KYAT1: variants seen among roughly 807,000 people sequenced by gnomAD.
KYAT1 encodes kynurenine aminotransferase 1.
Under a neutral mutation model 52.4 loss-of-function variants are expected in KYAT1, and 47 were observed. The observed-to-expected ratio is 0.90, with a 90% CI of 0.71 to 1.14. KYAT1 has a LOEUF of 1.14. Among genes scored for constraint, KYAT1 ranks in the 50% most tolerant of loss-of-function variants. The pLI, the probability that KYAT1 is intolerant of heterozygous loss-of-function variation, is 0.00. For missense variants in KYAT1, 480 were observed against 557.9 expected (o/e 0.86, Z 1.41); for synonymous variants, 212 against 209.6 (o/e 1.01, Z -0.10).
At chr9:128,850,240 G>A (rs1482703905) in intron 1 of KYAT1, among the ~76,000 whole-genome samples, 1 of 152,050 alleles carries the variant, frequency 6.6e-6, no homozygotes, top group Admixed American at 6.5e-5. Context: ...CTTCAGTGTA[G>A]GGAAAAGAAA....
upstream of KYAT1, chr9:128,882,481 C>T (rs1839103623): frequency 2.6e-6 from 1 of 383,004 alleles, no homozygotes; most frequent in Non-Finnish European, 4.6e-6. Context: ...AGCCCCCTCC[C>T]AGGCACCCCT....
At chr9:128,860,888 C>T (rs1827793718) in intron 1 of KYAT1, among the ~76,000 whole-genome samples, 1 of 152,016 alleles carries the variant, frequency 6.6e-6, no homozygotes, top group Non-Finnish European at 1.5e-5. Flanking sequence ...AGTTTACCAT[C>T]TTATATGGGC....
At chr9:128,845,175 A>G (rs1195719652) in intron 2 of KYAT1, among the ~76,000 whole-genome samples, 178 bp downstream of exon 2, 2 of 152,092 alleles carry the variant, frequency 1.3e-5, no homozygotes, top group Admixed American at 1.3e-4. Context: ...ATGCAGAAGA[A>G]AGCTGAGATT....
Position 128,833,544 on chromosome 9 carries a change from G to A in KYAT1, c.*40C>T, listed in dbSNP as rs1229519133. 10 of 1,584,320 alleles carry A rather than the reference G, an allele frequency of 6.3e-6. No homozygotes were observed. The highest frequency in any genetic ancestry group is 1.1e-5 in the South Asian group (1 of 90,448). On this transcript the variant is annotated 3_prime_UTR_variant, in exon 13 of 13. Transcript: ENST00000302586. Reference sequence around the variant, plus strand: ...ACAGACACTCAAAGAGGATCTCTGCGGGCATGTGGGGATGTCAGGGCCAAG... The same window carrying A: ...ACAGACACTCAAAGAGGATCTCTGCAGGCATGTGGGGATGTCAGGGCCAAG...
intron 1 of KYAT1, among the ~76,000 whole-genome samples, chr9:128,845,711 A>G (rs1037568816): frequency 1.3e-5 from 2 of 152,160 alleles, no homozygotes; most frequent in African/African-American, 4.8e-5. Flanking sequence ...CCTGAGACAG[A>G]GCCCTGACTT....
chr9:128,855,055 C>A (rs1342186313), intron 1 of KYAT1, among the ~76,000 whole-genome samples: 1 of 152,088 alleles, frequency 6.6e-6, no homozygotes, highest in Non-Finnish European at 1.5e-5. Context: ...AAAATTTAGG[C>A]CTAAGGGGAC....
At chr9:128,860,385 T>C (rs1181568804) in intron 1 of KYAT1, 1 of 152,170 alleles carries the variant, frequency 6.6e-6, no homozygotes, top group Non-Finnish European at 1.5e-5. Context: ...TGCCAGACAT[T>C]CGTCAGTTGC....
intron 2 of KYAT1, 30 bp from the exon 3 acceptor site, chr9:128,842,831 C>A: frequency 6.2e-7 from 1 of 1,602,344 alleles, no homozygotes; most frequent in Non-Finnish European, 8.5e-7. Context: ...TCAGCACCAG[C>A]CCAGCCCTCC....
intron 2 of KYAT1, among the ~76,000 whole-genome samples, chr9:128,843,746 T>C (rs1420421461): frequency 6.6e-6 from 1 of 152,204 alleles, no homozygotes; most frequent in African/African-American, 2.4e-5. Context: ...TTCATCCTTC[T>C]TGGTGCAATC....
chr9:128,847,585 A>G, intron 1 of KYAT1: 1 of 1,322,778 alleles, frequency 7.6e-7, no homozygotes, highest in Non-Finnish European at 1.0e-6. Flanking sequence ...AGAAGGGAGG[A>G]AACAGCCCTG....
chr9:128,835,563 CAT>C lies in KYAT1; in HGVS notation c.958_959del (p.Met320AspfsTer3), dbSNP rs754565435. On this transcript the variant is annotated frameshift_variant, in exon 10 of 13. Coordinates refer to ENST00000302586, the MANE Select transcript of KYAT1 (RefSeq NM_004059.5). LOFTEE classifies it high-confidence loss of function. ...GGCCCACTGACTGTAGGCTACGTAT[CAT>C]GTGGTCACGGCAGCGCTGCATGGCC... ...PQAMQRCRDHMIRSLQSVGLK... is the reference protein window; with the variant it reads ...PQAMQRCRDHXIRSLQSVGLK... 4 of 1,613,436 alleles carry C rather than the reference CAT, an allele frequency of 2.5e-6. No individual in the cohort carries two copies. In the African/African-American group the frequency reaches 5.3e-5, roughly 22 times the overall value.
intron 1 of KYAT1, among the ~76,000 whole-genome samples, chr9:128,851,862 G>A (rs1016419756): frequency 2.0e-5 from 3 of 152,160 alleles, no homozygotes; most frequent in Non-Finnish European, 4.4e-5. Flanking sequence ...AAAATTAAAA[G>A]GAAAAAGTCC....
intron 11 of KYAT1, among the ~76,000 whole-genome samples, chr9:128,834,456 A>G (rs765049554): frequency 7.9e-5 from 12 of 152,150 alleles, no homozygotes; most frequent in Non-Finnish European, 1.6e-4. Flanking sequence ...TCCTCACTGT[A>G]CAGATGGGAA....
intron 1 of KYAT1, among the ~76,000 whole-genome samples, chr9:128,875,507 G>A (rs923501019): frequency 1.3e-5 from 2 of 151,970 alleles, no homozygotes; most frequent in African/African-American, 4.8e-5. Flanking sequence ...CAGCTACTCG[G>A]GAGGCTGAGG....
At chr9:128,843,938 A>G (rs1589660164) in intron 2 of KYAT1, among the ~76,000 whole-genome samples, 1 of 152,194 alleles carries the variant, frequency 6.6e-6, no homozygotes, top group South Asian at 2.1e-4. Flanking sequence ...CTGTGGGGAT[A>G]AGGAGTGGAG....
intron 1 of KYAT1, among the ~76,000 whole-genome samples, chr9:128,854,125 C>T (rs987637591): frequency 2.6e-5 from 4 of 152,164 alleles, no homozygotes; most frequent in African/African-American, 4.8e-5. Context: ...TGGAAAATTA[C>T]ACACACAACA....
At chr9:128,842,217 C>A (rs1361314748) in intron 3 of KYAT1, 1 of 194,166 alleles carries the variant, frequency 5.2e-6, no homozygotes, top group South Asian at 7.2e-5. Context: ...AAAAAAGAAC[C>A]ACTGTTCTAA....
Position 128,838,131 on chromosome 9 carries a change from T to C in KYAT1, c.358A>G (p.Ile120Val), listed in dbSNP as rs201161036. The change falls in exon 5 of 13, where the codon ATC becomes GTC. Residue 120 changes from isoleucine (I) to valine (V), a missense_variant. Ile to Val is a conservative substitution (Grantham distance 29). Transcript: ENST00000302586. ...TAGCAGTCAAAAAAGGGTTCGATGA[T>C]GATGACCTGATATAAGGGTCAAATC... ...ALVDEGDEVI[I>V]IEPFFDCYEP... 4.7e-3 allele frequency: 7,516 copies of C among 1,614,126 alleles called. 26 individuals carry two copies. Among genetic ancestry groups the C allele is most frequent in the Non-Finnish European group, 5.9e-3 (6,921 of 1,180,006 alleles).
At chr9:128,835,904 C>T in intron 8 of KYAT1, 36 bp from the exon 9 acceptor site, 1 of 1,610,180 alleles carries the variant, frequency 6.2e-7, no homozygotes, top group Non-Finnish European at 8.5e-7. Flanking sequence ...AGAGGTCCTT[C>T]CAGACCTGGC....
Sources: allele counts gnomAD v4.1 joint callset (sites outside exome capture counted in the v4.1 genomes callset), GRCh38; gene constraint gnomAD v4.1.1; transcripts MANE v1.5; gene names NCBI Gene and HGNC (gene_info 2026-07-23, HGNC 2026-07-21).